The following MAGI2 variants were observed in gnomAD, a reference collection of about 807,000 sequenced individuals.
MAGI2 encodes membrane-associated guanylate kinase, WW and PDZ domain-containing protein 2.
A neutral mutation model predicts 133.3 loss-of-function variants in MAGI2; 35 were observed. The observed-to-expected ratio is 0.26, with a 90% confidence interval of 0.20 to 0.35. MAGI2 has a LOEUF of 0.35. Among genes scored for constraint, MAGI2 ranks in the 10% least tolerant of loss-of-function variants. MAGI2 has a pLI of 1.00. For missense variants in MAGI2, 1,636 were observed against 1,863.4 expected (o/e 0.88, Z 2.25); for synonymous variants, 729 against 710.6 (o/e 1.03, Z -0.41).
intron 1 of MAGI2, among the ~76,000 whole-genome samples, chr7:79,033,948 A>G (rs1810871923): frequency 1.3e-5 from 2 of 148,916 alleles, no homozygotes; most frequent in South Asian, 4.2e-4. Flanking sequence ...AGGAACTTGT[A>G]TTTTGTATTT....
intron 2 of MAGI2, among the ~76,000 whole-genome samples, chr7:78,704,195 G>C (rs323157): frequency 0.7 from 105,952 of 152,058 alleles, 37,208 homozygotes; most frequent in East Asian, 0.83. Flanking sequence ...TATTCAAAAT[G>C]TATAAGGAAC....
intron 6 of MAGI2, among the ~76,000 whole-genome samples, chr7:78,443,190 A>G (rs1245160364): frequency 6.6e-6 from 1 of 152,140 alleles, no homozygotes; most frequent in African/African-American, 2.4e-5. Flanking sequence ...GCTCTGTAAA[A>G]TGTGTTTGGG....
chr7:78,847,907 G>A lies in MAGI2; in HGVS notation c.418+159183C>T, dbSNP rs140995807. On this transcript the variant is annotated intron_variant, in intron 2 of 21. Transcript: ENST00000354212. Reference sequence around the variant, plus strand: ...GTTCACTGTTATGTCATCAGTATCTGGCATATGGTAAGTATTTAATAAGTA... The same window carrying A: ...GTTCACTGTTATGTCATCAGTATCTAGCATATGGTAAGTATTTAATAAGTA... Among the ~76,000 whole-genome samples the A allele has an allele frequency of 2.9e-3, 434 of 152,010 alleles. 3 individuals carry two copies. The highest frequency in any genetic ancestry group is 0.01 in the African/African-American group (419 of 41,518).
At chr7:78,740,642 GT>G (rs1455465694) in intron 2 of MAGI2, among the ~76,000 whole-genome samples, 1 of 152,148 alleles carries the variant, frequency 6.6e-6, no homozygotes, top group Non-Finnish European at 1.5e-5. Context: ...ATTCAGTTCA[GT>G]TTTTAGCATC....
At chr7:78,843,181 CCCA>C (rs1792291930) in intron 2 of MAGI2, among the ~76,000 whole-genome samples, 1 of 151,820 alleles carries the variant, frequency 6.6e-6, no homozygotes, top group African/African-American at 2.4e-5. Flanking sequence ...CTCCCAGGCC[CCCA>C]AGTTGTGACA....
At chr7:78,468,191 T>C (rs1187697844) in intron 6 of MAGI2, among the ~76,000 whole-genome samples, 1 of 152,196 alleles carries the variant, frequency 6.6e-6, no homozygotes, top group Non-Finnish European at 1.5e-5. Context: ...CTGCCTCACA[T>C]AGTTTTATCA....
chr7:78,391,321 T>C (rs920153219), intron 6 of MAGI2, among the ~76,000 whole-genome samples: 1 of 152,242 alleles, frequency 6.6e-6, no homozygotes, highest in East Asian at 1.9e-4. Flanking sequence ...CTAGTATTTA[T>C]GCATTCACAC....
chr7:79,276,718 C>A (rs1007075001), intron 1 of MAGI2, among the ~76,000 whole-genome samples: 1 of 152,156 alleles, frequency 6.6e-6, no homozygotes, highest in Non-Finnish European at 1.5e-5. Flanking sequence ...AATCCCAACA[C>A]TTTGGGAGGC....
At chr7:78,551,848 G>T (rs746973281) in intron 3 of MAGI2, among the ~76,000 whole-genome samples, 6 of 152,088 alleles carry the variant, frequency 3.9e-5, no homozygotes, top group Non-Finnish European at 7.4e-5. Flanking sequence ...GGGCTCAAGT[G>T]ATCCTCCCAT....
At chr7:78,150,704 C>A (rs1010999287) in intron 16 of MAGI2, among the ~76,000 whole-genome samples, 4 of 152,306 alleles carry the variant, frequency 2.6e-5, no homozygotes, top group Non-Finnish European at 4.4e-5. Flanking sequence ...AAGAAGATAT[C>A]CACCTTATGC....
At chr7:78,118,199 A>C (rs1820069703) in intron 20 of MAGI2, among the ~76,000 whole-genome samples, 2 of 152,188 alleles carry the variant, frequency 1.3e-5, no homozygotes, top group African/African-American at 4.8e-5. Flanking sequence ...ACAAAAATTA[A>C]CTCAAAATGG....
At chr7:79,024,752 A>C (rs1809697273) in intron 1 of MAGI2, among the ~76,000 whole-genome samples, 1 of 152,164 alleles carries the variant, frequency 6.6e-6, no homozygotes, top group Non-Finnish European at 1.5e-5. Context: ...ACATGAAAAA[A>C]AGCTCAATAT....
intron 2 of MAGI2, among the ~76,000 whole-genome samples, chr7:78,957,471 T>C (rs1182449905): frequency 6.6e-6 from 1 of 152,038 alleles, no homozygotes; most frequent in Non-Finnish European, 1.5e-5. Flanking sequence ...TAATTCAGAC[T>C]GATAAATTTA....
intron 3 of MAGI2, chr7:78,621,351 A>C (rs1482505584): frequency 1.3e-5 from 2 of 152,020 alleles, no homozygotes; most frequent in East Asian, 1.9e-4. Flanking sequence ...TGTCAGACTC[A>C]TCAGTAGTGC....
chr7:78,918,934 C>T (rs1004407546), intron 2 of MAGI2, among the ~76,000 whole-genome samples: 5 of 152,040 alleles, frequency 3.3e-5, no homozygotes, highest in East Asian at 3.8e-4. Context: ...TATTTCAATT[C>T]GGCAAGAAAA....
At chr7:79,426,256 A>G (rs1013252979) in intron 1 of MAGI2, among the ~76,000 whole-genome samples, 10 of 152,152 alleles carry the variant, frequency 6.6e-5, no homozygotes, top group African/African-American at 2.2e-4. Context: ...GAATGCATAG[A>G]TCATTAGATC....
chr7:78,119,390 C>T (rs1031838497), intron 20 of MAGI2, among the ~76,000 whole-genome samples: 3 of 151,792 alleles, frequency 2.0e-5, no homozygotes, highest in African/African-American at 7.3e-5. Flanking sequence ...GAAACCCCGT[C>T]TCTACTAAAA....
intron 2 of MAGI2, among the ~76,000 whole-genome samples, chr7:78,776,678 T>G (rs746868663): frequency 1.3e-5 from 2 of 152,228 alleles, no homozygotes; most frequent in Non-Finnish European, 1.5e-5. Context: ...AAGTGCATGT[T>G]TAGTGTAGAT....
At chr7:78,630,275 C>CAT (rs1808824977) in intron 2 of MAGI2, among the ~76,000 whole-genome samples, 1 of 151,712 alleles carries the variant, frequency 6.6e-6, no homozygotes, top group Non-Finnish European at 1.5e-5. Flanking sequence ...AACCCTACTG[C>CAT]ACATACCACT....
Sources: gnomAD v4.1 joint callset for allele counts (sites outside exome capture counted in the v4.1 genomes callset) on GRCh38, gnomAD v4.1.1 for gene constraint, MANE v1.5 for transcripts, NCBI Gene and HGNC (gene_info 2026-07-23, HGNC 2026-07-21) for gene names.